Variants in DENND1B observed in about 807,000 individuals in gnomAD.
DENND1B encodes the protein DENN domain containing 1B, also known as DENN domain-containing protein 1B.
DENND1B carries 59 observed loss-of-function variants against 90.1 expected under a neutral mutation model. The ratio of observed to expected loss-of-function variants is 0.65; its 90% CI spans 0.53 to 0.81. The LOEUF (loss-of-function observed/expected upper bound fraction) is 0.81. Among genes scored for constraint, DENND1B ranks in the 40% least tolerant of loss-of-function variants. DENND1B has a pLI of 0.00. For synonymous variants in DENND1B, 337 were observed against 324.6 expected (o/e 1.04, Z -0.41); for missense variants, 862 against 912.6 (o/e 0.94, Z 0.71).
chr1:197,578,657 C>T (rs1230984111), intron 15 of DENND1B, among the ~76,000 whole-genome samples: 2 of 152,046 alleles, frequency 1.3e-5, no homozygotes, highest in African/African-American at 4.8e-5. Context: ...CAAAACATCA[C>T]ATTGTACCCC....
chr1:197,718,244 G>A (rs563019406), intron 2 of DENND1B, among the ~76,000 whole-genome samples: 6 of 152,020 alleles, frequency 3.9e-5, no homozygotes, highest in Admixed American at 6.6e-5. Flanking sequence ...TAAAGAAAGA[G>A]GAAAAGTCCC....
chr1:197,663,367 C>A (rs1427640768), intron 5 of DENND1B, among the ~76,000 whole-genome samples: 3 of 152,072 alleles, frequency 2.0e-5, no homozygotes, highest in Non-Finnish European at 4.4e-5. Context: ...AAAAACATCA[C>A]ATATAAAAGT....
chr1:197,563,929 A>G (rs972444097), intron 15 of DENND1B, among the ~76,000 whole-genome samples: 4 of 151,958 alleles, frequency 2.6e-5, no homozygotes, highest in Admixed American at 1.3e-4. Context: ...TCTTCGAGGA[A>G]GTAACTGCAG....
intron 2 of DENND1B, among the ~76,000 whole-genome samples, chr1:197,748,109 T>C (rs573060545): frequency 4.3e-4 from 65 of 152,210 alleles, no homozygotes; most frequent in East Asian, 3.1e-3. Context: ...ATTGAAAAGA[T>C]CTAATTGGTC....
At chr1:197,624,321 A>C (rs1184364478) in intron 10 of DENND1B, among the ~76,000 whole-genome samples, 1 of 151,760 alleles carries the variant, frequency 6.6e-6, no homozygotes, top group Admixed American at 6.6e-5. Context: ...CAATGAATAA[A>C]AGACAGTCTT....
intron 2 of DENND1B, among the ~76,000 whole-genome samples, chr1:197,753,933 G>C (rs1653916017): frequency 6.6e-6 from 1 of 152,030 alleles, no homozygotes; most frequent in Non-Finnish European, 1.5e-5. Flanking sequence ...CCGGGAGGCG[G>C]AGGTTGCAGT....
At chr1:197,648,447 G>C (rs1680927252) in intron 7 of DENND1B, among the ~76,000 whole-genome samples, 1 of 151,956 alleles carries the variant, frequency 6.6e-6, no homozygotes, top group Admixed American at 6.6e-5. Context: ...GTTTTTTTGA[G>C]ATGTACTTTT....
At chr1:197,727,163 T>C (rs761154795) in intron 2 of DENND1B, among the ~76,000 whole-genome samples, 73 of 152,346 alleles carry the variant, frequency 4.8e-4, no homozygotes, top group Non-Finnish European at 9.0e-4. Context: ...AATCATTTCC[T>C]TGAAGGGGCA....
intron 2 of DENND1B, among the ~76,000 whole-genome samples, chr1:197,766,409 A>G (rs1442576520): frequency 6.6e-6 from 1 of 152,242 alleles, no homozygotes; most frequent in East Asian, 1.9e-4. Flanking sequence ...CAATAATGCA[A>G]TACCTCCTAA....
intron 2 of DENND1B, among the ~76,000 whole-genome samples, chr1:197,720,393 A>G (rs1238369348): frequency 6.6e-6 from 1 of 151,856 alleles, no homozygotes; most frequent in African/African-American, 2.4e-5. Flanking sequence ...ATGCACCACC[A>G]TGCCCAACTA....
intron 13 of DENND1B, among the ~76,000 whole-genome samples, chr1:197,603,729 AC>A (rs1413832247): frequency 6.6e-6 from 1 of 151,194 alleles, no homozygotes; most frequent in Non-Finnish European, 1.5e-5. Flanking sequence ...AATAGTAACA[AC>A]CTCCAAATTG....
chr1:197,752,082 A>G (rs1412548930), intron 2 of DENND1B, among the ~76,000 whole-genome samples: 1 of 151,832 alleles, frequency 6.6e-6, no homozygotes, highest in Non-Finnish European at 1.5e-5. Context: ...CAGAAAATGG[A>G]GACATGAACA....
At chr1:197,716,414 T>G (rs1660651915) in intron 2 of DENND1B, among the ~76,000 whole-genome samples, 1 of 151,488 alleles carries the variant, frequency 6.6e-6, no homozygotes, top group Non-Finnish European at 1.5e-5. Context: ...TATTAAATGA[T>G]TATATCCTCA....
chr1:197,761,601 A>G (rs1007641400), intron 2 of DENND1B, among the ~76,000 whole-genome samples: 1 of 152,192 alleles, frequency 6.6e-6, no homozygotes, highest in African/African-American at 2.4e-5. Flanking sequence ...AGTTTTTATA[A>G]CTACCCACGT....
At chr1:197,618,292 A>C (rs1459725826) in intron 10 of DENND1B, among the ~76,000 whole-genome samples, 1 of 151,156 alleles carries the variant, frequency 6.6e-6, no homozygotes, top group East Asian at 2.0e-4. Context: ...TAATGTGTGA[A>C]CTGCGGGTTA....
At chr1:197,551,737 C>A (rs1475979490) in intron 16 of DENND1B, among the ~76,000 whole-genome samples, 1 of 152,068 alleles carries the variant, frequency 6.6e-6, no homozygotes, top group African/African-American at 2.4e-5. Context: ...TATGTAAATA[C>A]CGAATAGATG....
At chr1:197,547,673 A>G (rs577594116) in intron 16 of DENND1B, among the ~76,000 whole-genome samples, 7 of 152,328 alleles carry the variant, frequency 4.6e-5, no homozygotes, top group African/African-American at 1.7e-4. Context: ...TACCTAAAAT[A>G]ACCTTTGTAA....
intron 6 of DENND1B, among the ~76,000 whole-genome samples, chr1:197,654,239 C>A (rs1653558110): frequency 6.6e-6 from 1 of 152,102 alleles, no homozygotes; most frequent in Non-Finnish European, 1.5e-5. Context: ...AATAATACCT[C>A]CCTTACTTTC....
intron 2 of DENND1B, among the ~76,000 whole-genome samples, chr1:197,740,100 A>G (rs1189857061): frequency 6.6e-6 from 1 of 152,184 alleles, no homozygotes; most frequent in Non-Finnish European, 1.5e-5. Flanking sequence ...GGAGAGTGCG[A>G]TTTTAATTCT....
Sources: gnomAD v4.1 joint callset for allele counts (sites outside exome capture counted in the v4.1 genomes callset) on GRCh38, gnomAD v4.1.1 for gene constraint, MANE v1.5 for transcripts, NCBI Gene and HGNC (gene_info 2026-07-23, HGNC 2026-07-21) for gene names.